TUSC3: variants seen among roughly 807,000 people sequenced by gnomAD.
TUSC3 encodes dolichyl-diphosphooligosaccharide--protein glycosyltransferase subunit TUSC3.
TUSC3 carries 45 observed loss-of-function variants against 44.8 expected under a neutral mutation model. That is an observed-to-expected ratio of 1.00 (90% CI 0.79 to 1.29). TUSC3 has a LOEUF of 1.29. Ranked by LOEUF, TUSC3 falls within the 50% of genes most tolerant of loss-of-function variation. The pLI is 0.00. For missense variants in TUSC3, 519 were observed against 437.9 expected, an observed-to-expected ratio of 1.19 and a Z score of -1.65; for synonymous variants, 212 against 152.9, an observed-to-expected ratio of 1.39 and a Z score of -2.85.
At position 15,562,654 on chromosome 8, in the gene TUSC3, G is replaced by C. The variant is rs186263826; in HGVS notation, c.138+22086G>C. 6.7e-4 allele frequency among the ~76,000 whole-genome samples: 102 copies of C among 152,130 alleles called. 1 individual carries two copies. Among genetic ancestry groups the C allele is most frequent in the African/African-American group, 2.4e-3 (99 of 41,504 alleles). ...CTCTTCTCAACTCATTCAAGTTGTAGGCAGAATTCAGCTTTTGGTAGTTGT... is the reference window on the plus strand; with the variant it reads ...CTCTTCTCAACTCATTCAAGTTGTACGCAGAATTCAGCTTTTGGTAGTTGT... On this transcript the variant is annotated intron_variant, in intron 1 of 10. Coordinates refer to ENST00000503731, the MANE Select transcript of TUSC3 (RefSeq NM_006765.4).
chr8:15,828,178 A>G, the TUSC3 span, among the ~76,000 whole-genome samples: 18 of 152,204 alleles, frequency 1.2e-4, no homozygotes, highest in African/African-American at 4.3e-4. Context: ...TATTTTTAGT[A>G]GATACTGGAT....
chr8:15,495,519 A>G (rs563937272), intron 2 of TUSC3, among the ~76,000 whole-genome samples: 92 of 152,220 alleles, frequency 6.0e-4, no homozygotes, highest in African/African-American at 1.9e-3. Flanking sequence ...CAAGGCCCCA[A>G]GAGGATGCTT....
At chr8:15,485,747 A>G (rs546742651) in intron 2 of TUSC3, among the ~76,000 whole-genome samples, 1 of 151,992 alleles carries the variant, frequency 6.6e-6, no homozygotes, top group South Asian at 2.1e-4. Context: ...TTTATTGTTT[A>G]TTTATTTGAG....
the TUSC3 span, among the ~76,000 whole-genome samples, chr8:15,826,610 C>T: frequency 2.0e-5 from 3 of 152,028 alleles, no homozygotes; most frequent in Non-Finnish European, 2.9e-5. Flanking sequence ...GTGCTGCTAC[C>T]TTTTCTGGAA....
At chr8:15,773,840 C>G in the TUSC3 span, among the ~76,000 whole-genome samples, 3 of 152,112 alleles carry the variant, frequency 2.0e-5, no homozygotes, top group Non-Finnish European at 4.4e-5. Flanking sequence ...AGCTGGATTT[C>G]CACATGCAAA....
At chr8:15,751,509 C>G (rs1391585587) in intron 9 of TUSC3, among the ~76,000 whole-genome samples, 1 of 152,020 alleles carries the variant, frequency 6.6e-6, no homozygotes, top group Non-Finnish European at 1.5e-5. Context: ...TGTGAATTTT[C>G]TAGGAGGAAG....
chr8:15,834,880 G>C, the TUSC3 span, among the ~76,000 whole-genome samples: 1 of 152,144 alleles, frequency 6.6e-6, no homozygotes. Flanking sequence ...TTCATGAGAT[G>C]TTAAACTTGC....
rs1801655188 is a variant in TUSC3, at chr8:15,540,673, TG to T, written c.138+108del. On this transcript the variant is annotated intron_variant, in intron 1 of 10. Transcript: ENST00000503731. ...TTGCTAGGCAGCCTGGTCGCCGGCG[TG>T]GGCGATGCCGGCGCTGGGGCGGGAG... 69 of 1,401,144 alleles carry T rather than the reference TG, an allele frequency of 4.9e-5. No individual in the cohort carries two copies. The South Asian group carries it at 1.0e-3, about 21-fold the overall frequency. The allele number at this position is 1,401,144 out of a possible 1,614,324, so 86.8% of individuals were successfully genotyped here.
chr8:15,720,263 C>T (rs2129203790), intron 6 of TUSC3, among the ~76,000 whole-genome samples: 1 of 150,884 alleles, frequency 6.6e-6, no homozygotes, highest in East Asian at 2.0e-4. Flanking sequence ...TACCTTGATT[C>T]ACACTGATAG....
chr8:15,519,626 C>T (rs1302249820), intron 2 of TUSC3, among the ~76,000 whole-genome samples: 1 of 152,128 alleles, frequency 6.6e-6, no homozygotes, highest in Non-Finnish European at 1.5e-5. Flanking sequence ...GAATCTAATG[C>T]CTGATGATCT....
chr8:15,789,781 T>C, the TUSC3 span, among the ~76,000 whole-genome samples: 458 of 152,266 alleles, frequency 3.0e-3, 3 homozygotes, highest in African/African-American at 9.9e-3. Flanking sequence ...GACCCTGCTC[T>C]CAATGACCTT....
chr8:15,560,586 T>C lies in TUSC3; in HGVS notation c.138+20018T>C, dbSNP rs373130765. On this transcript the variant is annotated intron_variant, in intron 1 of 10. Transcript: ENST00000503731. ...ATTGGGGAAGTTCTCCTGGATAATATCCTGCAGAGTGTTTTCCAACTTGGT... is the reference window on the plus strand; with the variant it reads ...ATTGGGGAAGTTCTCCTGGATAATACCCTGCAGAGTGTTTTCCAACTTGGT... 7.6e-3 allele frequency among the ~76,000 whole-genome samples: 1,076 copies of C among 141,030 alleles called. 36 individuals carry two copies. In the East Asian group the frequency reaches 0.1, roughly 13 times the overall value. The allele number at this position is 141,030 out of a possible 152,430, so 92.5% of individuals were successfully genotyped here.
chr8:15,800,147 A>T, the TUSC3 span, among the ~76,000 whole-genome samples: 1 of 152,328 alleles, frequency 6.6e-6, no homozygotes, highest in Admixed American at 6.5e-5. Flanking sequence ...CCTTGAATGG[A>T]TAGTCCAGAA....
At chr8:15,511,428 C>T (rs1371427311) in intron 2 of TUSC3, among the ~76,000 whole-genome samples, 1 of 152,126 alleles carries the variant, frequency 6.6e-6, no homozygotes, top group Non-Finnish European at 1.5e-5. Context: ...GTGAATTTAG[C>T]AAGGTTGAAG....
chr8:15,491,506 C>T (rs773770202), intron 2 of TUSC3, among the ~76,000 whole-genome samples: 4 of 151,964 alleles, frequency 2.6e-5, no homozygotes, highest in Non-Finnish European at 5.9e-5. Flanking sequence ...GTTTAGGTAA[C>T]TAAGGCATGA....
chr8:15,483,260 G>C (rs1328546942), intron 1 of TUSC3: 1 of 170,820 alleles, frequency 5.9e-6, no homozygotes, highest in Non-Finnish European at 1.3e-5. Flanking sequence ...TAAGCAACAT[G>C]GGTTATTAGT....
intron 1 of TUSC3, among the ~76,000 whole-genome samples, chr8:15,575,544 A>G (rs1260337942): frequency 6.6e-6 from 1 of 152,144 alleles, no homozygotes; most frequent in Non-Finnish European, 1.5e-5. Flanking sequence ...GGTTAGGCAG[A>G]TCACCTGAGG....
Position 15,540,546 on chromosome 8 carries a change from G to C in TUSC3, c.116G>C (p.Gly39Ala), listed in dbSNP as rs780023166. Residue 39 changes from glycine to alanine, a missense_variant, in exon 1 of 11, where the codon GGG (glycine) becomes GCG (alanine). By Grantham distance (60) the Gly-to-Ala change is moderately conservative. Transcript: ENST00000503731. ...CTGCTGCTGCTCTGCATCCAGCTCG[G>C]GGGAGGACAGAAGAAAAAGGAGGTA... ...LLLLLLCIQL[G>A]GGQKKKENLL... The C allele has an allele frequency of 1.3e-5, 21 of 1,597,402 alleles. No homozygotes were observed. In the Admixed American group the frequency reaches 1.9e-4, roughly 14 times the overall value.
intron 1 of TUSC3, among the ~76,000 whole-genome samples, chr8:15,588,500 T>A (rs1387274833): frequency 6.6e-6 from 1 of 152,190 alleles, no homozygotes; most frequent in African/African-American, 2.4e-5. Context: ...TTTCTCCCAT[T>A]CTATGGGCTG....
Sources: allele counts gnomAD v4.1 joint callset (sites outside exome capture counted in the v4.1 genomes callset), GRCh38; gene constraint gnomAD v4.1.1; transcripts MANE v1.5; gene names NCBI Gene and HGNC (gene_info 2026-07-23, HGNC 2026-07-21).